PCM1: variants seen among roughly 807,000 people sequenced by gnomAD.
The protein encoded by PCM1 is pericentriolar material 1 protein.
In PCM1, 157 loss-of-function variants were observed where a neutral mutation model predicts 241.9. That is an observed-to-expected ratio of 0.65 (90% CI 0.57 to 0.74). PCM1 has a LOEUF of 0.74. PCM1 is among the 30% of genes least tolerant of loss of function. The probability of loss-of-function intolerance (pLI) is 0.00; values close to 1 mark genes in which losing one functional copy is unlikely to be tolerated. For synonymous variants in PCM1, 1,085 were observed against 784.9 expected, an observed-to-expected ratio of 1.38 and a Z score of -6.39; for missense variants, 3,478 against 2,360.1, an observed-to-expected ratio of 1.47 and a Z score of -9.81.
intron 29 of PCM1, among the ~76,000 whole-genome samples, chr8:18,002,034 T>TG: frequency 1.5e-5 from 1 of 65,466 alleles, no homozygotes; most frequent in Admixed American, 1.4e-4. Context: ...TTTTTTTTTT[T>TG]TGTGGAGAGA....
intron 26 of PCM1, 43 bp downstream of exon 26, chr8:17,986,130 A>G (rs763409563): frequency 7.6e-7 from 1 of 1,317,152 alleles, no homozygotes; most frequent in East Asian, 2.6e-5. Context: ...TAATTTTAGT[A>G]TGCAGTAAAT....
chr8:18,006,515 A>G (rs2091365685), intron 30 of PCM1, 118 bp downstream of exon 30: 1 of 665,152 alleles, frequency 1.5e-6, no homozygotes, highest in African/African-American at 1.8e-5. Flanking sequence ...CATCCAATCT[A>G]GCGTCCATTT....
intron 6 of PCM1, chr8:17,940,126 A>G (rs1323890899): frequency 6.4e-7 from 1 of 1,565,314 alleles, no homozygotes; most frequent in South Asian, 1.2e-5. Context: ...ATCGCTAAAC[A>G]TAGATGTGCA....
intron 29 of PCM1, among the ~76,000 whole-genome samples, chr8:18,000,748 A>C (rs1157350354): frequency 6.6e-6 from 1 of 152,056 alleles, no homozygotes; most frequent in Non-Finnish European, 1.5e-5. Flanking sequence ...CAGCCTCCCA[A>C]GTATCTGGGA....
intron 29 of PCM1, among the ~76,000 whole-genome samples, chr8:17,999,598 T>G (rs1191590169): frequency 6.6e-6 from 1 of 152,106 alleles, no homozygotes; most frequent in African/African-American, 2.4e-5. Flanking sequence ...GTCACTTGCA[T>G]TGCTGCAGTC....
At chr8:17,944,037 C>T (rs1474514426) in intron 6 of PCM1, among the ~76,000 whole-genome samples, 1 of 152,180 alleles carries the variant, frequency 6.6e-6, no homozygotes, top group Non-Finnish European at 1.5e-5. Flanking sequence ...AGAAAGCCTT[C>T]TACGAGTAGC....
chr8:17,968,758 G>A (rs1303128244), intron 21 of PCM1, among the ~76,000 whole-genome samples: 7 of 131,054 alleles, frequency 5.3e-5, no homozygotes, highest in African/African-American at 2.0e-4. Flanking sequence ...GTGTGTGTGT[G>A]TGTGTATATA....
At position 18,014,018 on chromosome 8, in the gene PCM1, C is replaced by T. The variant is rs1396050088; in HGVS notation, c.5566C>T (p.Arg1856Ter). ...AGAAAGCAAAAATGTCCCATTGGAA[C>T]GAGAAGCCACTAGTAAAAGTAAGAA... ...TAESKNVPLE[R>*]EATSKNDQNN... The change falls in exon 35 of 39, where the codon CGA becomes TGA. Residue 1856 changes from arginine (R) to a stop codon, truncating the protein, a stop_gained. Coordinates refer to ENST00000325083, the MANE Select transcript of PCM1 (RefSeq NM_006197.4). LOFTEE classifies it high-confidence loss of function. The T allele has an allele frequency of 6.9e-6, 11 of 1,590,952 alleles. No homozygotes were observed. The highest frequency in any genetic ancestry group is 2.3e-5 in the East Asian group (1 of 44,312).
At chr8:17,964,474 A>G (rs1563982384) in intron 17 of PCM1, 94 bp from the exon 18 acceptor site, 2 of 856,322 alleles carry the variant, frequency 2.3e-6, no homozygotes, top group Non-Finnish European at 3.6e-6. Flanking sequence ...AGACATGTAT[A>G]TGTATGTTTG....
chr8:17,983,304 A>G, intron 24 of PCM1: 2 of 1,315,220 alleles, frequency 1.5e-6, no homozygotes, highest in East Asian at 8.3e-5. Context: ...CAATCTGCGT[A>G]GTTTTGGTGT....
chr8:17,923,679 G>T (rs1173557038), intron 1 of PCM1, among the ~76,000 whole-genome samples: 4 of 152,096 alleles, frequency 2.6e-5, no homozygotes, highest in Non-Finnish European at 5.9e-5. Context: ...GGAGCGACGC[G>T]ACTCTGAAGA....
At chr8:17,951,260 A>C (rs1237875694) in intron 8 of PCM1, among the ~76,000 whole-genome samples, 1 of 152,236 alleles carries the variant, frequency 6.6e-6, no homozygotes, top group African/African-American at 2.4e-5. Context: ...TGGGTAAGAA[A>C]GGATGAATTA....
At chr8:17,978,198 G>A (rs887936706) in intron 23 of PCM1, among the ~76,000 whole-genome samples, 2 of 152,002 alleles carry the variant, frequency 1.3e-5, no homozygotes, top group African/African-American at 4.8e-5. Flanking sequence ...TCAGGGGGAA[G>A]AATTATGTCA....
Position 17,956,661 on chromosome 8 carries a change from T to A in PCM1, c.1530T>A (p.Tyr510Ter). 1 of 1,602,556 alleles carries A rather than the reference T, an allele frequency of 6.2e-7. No homozygotes were observed. Residue 510 changes from tyrosine (Y) to a stop codon, truncating the protein, a stop_gained, in exon 11 of 39, where the codon TAT (tyrosine) becomes TAA (stop). Transcript: ENST00000325083. LOFTEE classifies it high-confidence loss of function. ...LNELRELVHYYEQTSDMMTDA... is the reference protein window; with the variant it reads ...LNELRELVHY Reference sequence around the variant, plus strand: ...AGCTAAGAGAATTAGTTCATTATTATGAACAAACGTCAGACATGATGACAG... The same window carrying A: ...AGCTAAGAGAATTAGTTCATTATTAAGAACAAACGTCAGACATGATGACAG...
intron 26 of PCM1, among the ~76,000 whole-genome samples, chr8:17,989,518 T>C (rs1001803649): frequency 6.6e-6 from 1 of 152,040 alleles, no homozygotes; most frequent in Non-Finnish European, 1.5e-5. Context: ...CTACTAGACA[T>C]TGTTAGCATT....
intron 24 of PCM1, among the ~76,000 whole-genome samples, chr8:17,981,755 T>A (rs1347921628): frequency 6.6e-6 from 1 of 152,148 alleles, no homozygotes; most frequent in African/African-American, 2.4e-5. Context: ...GGAAACATGG[T>A]CAAAGAGGGA....
At chr8:17,960,542 T>TTTTTTTTTTTTTG (rs1586890974) in intron 15 of PCM1, 98 bp downstream of exon 15, 1 of 942,588 alleles carries the variant, frequency 1.1e-6, no homozygotes, top group African/African-American at 1.7e-5. Flanking sequence ...TCTTTTTTTT[T>TTTTTTTTTTTTTG]GAGGCAGAGT....
chr8:17,957,215 T>C (rs1277252889), intron 11 of PCM1, 49 bp from the exon 12 acceptor site: 2 of 1,467,314 alleles, frequency 1.4e-6, no homozygotes, highest in Middle Eastern at 3.7e-4. Flanking sequence ...GATTTCTTTC[T>C]CTCTTTTTTT....
chr8:17,935,758 C>G (rs2060229458), intron 3 of PCM1, 52 bp downstream of exon 3: 1 of 867,034 alleles, frequency 1.2e-6, no homozygotes, highest in African/African-American at 1.6e-5. Context: ...TGTTAAAATG[C>G]AGTTTTCCCC....
Sources: gnomAD v4.1 joint callset for allele counts (sites outside exome capture counted in the v4.1 genomes callset) on GRCh38, gnomAD v4.1.1 for gene constraint, MANE v1.5 for transcripts, NCBI Gene and HGNC (gene_info 2026-07-23, HGNC 2026-07-21) for gene names.